Variants in CCDC141 observed in about 807,000 individuals in gnomAD.
The protein encoded by CCDC141 is coiled-coil domain-containing protein 141.
A neutral mutation model predicts 181.0 loss-of-function variants in CCDC141; 168 were observed. The observed-to-expected ratio is 0.93, with a 90% CI of 0.82 to 1.05. The LOEUF (loss-of-function observed/expected upper bound fraction) is 1.05. CCDC141 is among the 50% of genes least tolerant of loss of function. The pLI, the probability that CCDC141 is intolerant of heterozygous loss-of-function variation, is 0.00. For synonymous variants in CCDC141, 666 were observed against 642.3 expected, an observed-to-expected ratio of 1.04 and a Z score of -0.56; for missense variants, 1,902 against 1,788.5, an observed-to-expected ratio of 1.06 and a Z score of -1.14.
At chr2:178,861,168 CT>C (rs869078606) in intron 17 of CCDC141, among the ~76,000 whole-genome samples, 270 of 144,422 alleles carry the variant, frequency 1.9e-3, no homozygotes, top group African/African-American at 4.4e-3. Context: ...GATGTTTGTG[CT>C]TTTTTTTTTT....
At chr2:178,894,646 C>G (rs1312061381) in intron 8 of CCDC141, among the ~76,000 whole-genome samples, 1 of 151,456 alleles carries the variant, frequency 6.6e-6, no homozygotes, top group Non-Finnish European at 1.5e-5. Flanking sequence ...AATAAGAAAT[C>G]AATGAATGAA....
At chr2:178,979,125 A>T (rs1327441899) in intron 2 of CCDC141, among the ~76,000 whole-genome samples, 1 of 152,202 alleles carries the variant, frequency 6.6e-6, no homozygotes, top group Non-Finnish European at 1.5e-5. Context: ...TAATGTAAAT[A>T]TTAAGAGTAG....
At position 178,837,410 on chromosome 2, in the gene CCDC141, A is replaced by G. The variant is rs1268836981; in HGVS notation, c.3809T>C (p.Val1270Ala). The G allele has an allele frequency of 6.2e-7, 1 of 1,614,106 alleles. No individual in the cohort carries two copies. ...ATCATTGCATGCATCCGCAAAGGCA[A>G]CAGGTGGTGGAAGAACAGATTCCTG... is the stretch of plus-strand genomic sequence containing the variant. ...DAQESVLPPPVAFADACNDKR... is the reference protein window; with the variant it reads ...DAQESVLPPPAAFADACNDKR... The change falls in exon 23 of 24, where the codon GTT (valine) becomes GCT (alanine). Residue 1270 changes from valine (V) to alanine (A), a missense_variant. Physicochemically the swap from Val to Ala is moderately conservative, Grantham distance 64 (BLOSUM62 0). Transcript: ENST00000443758.
intron 17 of CCDC141, among the ~76,000 whole-genome samples, chr2:178,862,269 T>C (rs1558935999): frequency 6.6e-6 from 1 of 152,202 alleles, no homozygotes; most frequent in African/African-American, 2.4e-5. Context: ...AGGTAAATAA[T>C]TATCTGGAAG....
chr2:178,890,772 T>C (rs1332019240), intron 8 of CCDC141, among the ~76,000 whole-genome samples: 1 of 152,176 alleles, frequency 6.6e-6, no homozygotes. Flanking sequence ...CTTTCTAAAA[T>C]GGCATCACTC....
chr2:178,937,055 C>T (rs945236258), intron 6 of CCDC141, among the ~76,000 whole-genome samples: 1 of 152,106 alleles, frequency 6.6e-6, no homozygotes, highest in South Asian at 2.1e-4. Flanking sequence ...GTTTGACTTC[C>T]TCTCTTCCTA....
intron 22 of CCDC141, 29 bp downstream of exon 22, chr2:178,845,597 A>G: frequency 8.1e-7 from 1 of 1,242,204 alleles, no homozygotes; most frequent in Non-Finnish European, 1.2e-6. Flanking sequence ...AAAAGTCCTC[A>G]ATAGCTGAGG....
At chr2:179,024,281 C>A (rs2042768884) in intron 2 of CCDC141, among the ~76,000 whole-genome samples, 1 of 152,194 alleles carries the variant, frequency 6.6e-6, no homozygotes, top group Non-Finnish European at 1.5e-5. Flanking sequence ...TATGTGAATA[C>A]CATTTAAATC....
intron 2 of CCDC141, among the ~76,000 whole-genome samples, chr2:178,981,636 G>GTATGTATATATATATATATA (rs1553495306): frequency 8.0e-5 from 5 of 62,404 alleles, no homozygotes; most frequent in African/African-American, 1.6e-4. Context: ...GTGTGTGTGT[G>GTATGTATATATATATATATA]TATATATATA....
chr2:178,966,797 C>T (rs531041270), intron 4 of CCDC141, among the ~76,000 whole-genome samples: 207 of 151,970 alleles, frequency 1.4e-3, no homozygotes, highest in African/African-American at 4.8e-3. Flanking sequence ...TAATAACAAA[C>T]TGCTCCGAGC....
At chr2:178,845,517 C>A (rs1575121872) in intron 22 of CCDC141, 109 bp downstream of exon 22, 1 of 679,562 alleles carries the variant, frequency 1.5e-6, no homozygotes, top group Non-Finnish European at 2.6e-6. Flanking sequence ...CTGGGAAATT[C>A]TATTTGGATA....
chr2:178,893,175 T>C (rs978757493), intron 8 of CCDC141, among the ~76,000 whole-genome samples: 6 of 152,030 alleles, frequency 3.9e-5, no homozygotes, highest in African/African-American at 1.4e-4. Flanking sequence ...CTCTCCCTTA[T>C]TCATTGAGCC....
chr2:178,877,966 T>A lies in CCDC141; in HGVS notation c.1897A>T (p.Met633Leu). Residue 633 changes from methionine (M) to leucine (L), a missense_variant and splice_region_variant, in exon 12 of 24, where the codon ATG becomes TTG. By Grantham distance (15) the Met-to-Leu change is conservative. Transcript: ENST00000443758. The stretch of plus-strand genomic sequence containing the variant: ...GATCCATTTAATGCCATTCTTACCA[T>A]ATTTATTAAATTAAGGAACTCAAGC... Reference protein sequence around the residue: ...LGLEFLNLINMAKENEILDVK... With the variant: ...LGLEFLNLINLAKENEILDVK... 1 of 1,611,610 alleles carries A rather than the reference T, an allele frequency of 6.2e-7. No homozygotes were observed. Among genetic ancestry groups the A allele is most frequent in the Non-Finnish European group, 8.5e-7 (1 of 1,177,896 alleles).
chr2:179,048,315 T>C (rs2043566270), intron 1 of CCDC141, among the ~76,000 whole-genome samples: 1 of 152,196 alleles, frequency 6.6e-6, no homozygotes. Flanking sequence ...CTTTATACTC[T>C]GAATTGCTTG....
Position 178,837,162 on chromosome 2 carries a change from T to A in CCDC141, c.4057A>T (p.Asn1353Tyr), listed in dbSNP as rs1267344345. The A allele has an allele frequency of 6.2e-7, 1 of 1,613,966 alleles. No homozygotes were observed. The highest frequency in any genetic ancestry group is 1.3e-5 in the African/African-American group (1 of 75,050). The change falls in exon 23 of 24, where the codon AAT (asparagine) becomes TAT (tyrosine). Residue 1353 changes from asparagine (N) to tyrosine (Y), a missense_variant. Asn to Tyr is a moderately radical substitution (Grantham distance 143). Transcript: ENST00000443758. ...LETREKMHAD[N>Y]NFTKTQDRLH... ...CTATCTTGGGTTTTAGTGAAGTTAT[T>A]ATCAGCATGCATTTTCTCCCGTGTT... is the stretch of plus-strand genomic sequence containing the variant.
At position 178,830,544 on chromosome 2, in the gene CCDC141, T is replaced by G. The variant is rs1444636995; in HGVS notation, c.*3629A>C. 6.6e-6 allele frequency: 1 copy of G among 152,198 alleles called. No individual in the cohort carries two copies. Among genetic ancestry groups the G allele is most frequent in the Non-Finnish European group, 1.5e-5 (1 of 68,046 alleles). 9.4% of individuals were successfully genotyped at this position (152,198 alleles called of 1,614,324 possible). Reference sequence around the variant, plus strand: ...TGTTTACCTTTGGCAACAATTCAATTCAAAAGAGTTTACTGAGTGTGACTG... The same window carrying G: ...TGTTTACCTTTGGCAACAATTCAATGCAAAAGAGTTTACTGAGTGTGACTG... On this transcript the variant is annotated 3_prime_UTR_variant, in exon 24 of 24. Coordinates refer to ENST00000443758, the MANE Select transcript of CCDC141 (RefSeq NM_173648.4).
At chr2:178,954,140 G>A (rs897042163) in intron 5 of CCDC141, among the ~76,000 whole-genome samples, 2 of 152,140 alleles carry the variant, frequency 1.3e-5, no homozygotes, top group Admixed American at 6.5e-5. Context: ...TGTCGTGTAC[G>A]CAGAGACCAT....
At chr2:178,950,527 G>A (rs1298416620) in intron 5 of CCDC141, among the ~76,000 whole-genome samples, 13 of 152,178 alleles carry the variant, frequency 8.5e-5, no homozygotes, top group Admixed American at 8.5e-4. Flanking sequence ...AGACTTGGGA[G>A]GAGAGCAGGA....
chr2:178,984,508 G>T (rs1245360999), intron 2 of CCDC141, among the ~76,000 whole-genome samples: 1 of 151,748 alleles, frequency 6.6e-6, no homozygotes, highest in African/African-American at 2.4e-5. Context: ...CCAATTAAAA[G>T]ACACAGACTG....
Sources: gnomAD v4.1 joint callset for allele counts (sites outside exome capture counted in the v4.1 genomes callset) on GRCh38, gnomAD v4.1.1 for gene constraint, MANE v1.5 for transcripts, NCBI Gene and HGNC (gene_info 2026-07-23, HGNC 2026-07-21) for gene names.